GABRB1: variants seen among roughly 807,000 people sequenced by gnomAD.
GABRB1 encodes the protein gamma-aminobutyric acid receptor subunit beta-1.
A neutral mutation model predicts 51.6 loss-of-function variants in GABRB1; 17 were observed. The ratio of observed to expected loss-of-function variants is 0.33; its 90% CI spans 0.23 to 0.49. The LOEUF (loss-of-function observed/expected upper bound fraction) is 0.49, where lower values mean the gene tolerates loss of function less well. Among genes scored for constraint, GABRB1 ranks in the 20% least tolerant of loss-of-function variants. The probability of loss-of-function intolerance (pLI) is 0.99; values close to 1 mark genes in which losing one functional copy is unlikely to be tolerated. For missense variants in GABRB1, 410 were observed against 600.6 expected (o/e 0.68, Z 3.32); for synonymous variants, 247 against 218.9 (o/e 1.13, Z -1.14).
chr4:47,288,197 C>A (rs1165805914), intron 4 of GABRB1, among the ~76,000 whole-genome samples: 1 of 151,966 alleles, frequency 6.6e-6, no homozygotes, highest in Non-Finnish European at 1.5e-5. Context: ...GTCTGCACCA[C>A]CCACAAGATT....
intron 1 of GABRB1, among the ~76,000 whole-genome samples, chr4:46,995,952 T>C (rs974398676): frequency 5.3e-5 from 8 of 152,154 alleles, no homozygotes; most frequent in African/African-American, 1.9e-4. Context: ...GGCATTTATA[T>C]CTCTTCTCAT....
chr4:47,322,559 G>T (rs749604618), intron 5 of GABRB1, among the ~76,000 whole-genome samples: 3 of 152,150 alleles, frequency 2.0e-5, no homozygotes, highest in Non-Finnish European at 4.4e-5. Flanking sequence ...GAAGTAAAAT[G>T]ACTTACCCAG....
intron 5 of GABRB1, among the ~76,000 whole-genome samples, chr4:47,330,256 T>A (rs1725430865): frequency 6.6e-6 from 1 of 152,194 alleles, no homozygotes; most frequent in South Asian, 2.1e-4. Flanking sequence ...ATTTAAATGT[T>A]AATCTCCTCC....
chr4:47,151,481 A>G (rs1717452786), intron 3 of GABRB1, among the ~76,000 whole-genome samples: 1 of 151,976 alleles, frequency 6.6e-6, no homozygotes, highest in Non-Finnish European at 1.5e-5. Flanking sequence ...ATCCTTTCTC[A>G]ATTTAGCTTG....
chr4:47,399,405 G>A (rs1728303845), intron 5 of GABRB1, among the ~76,000 whole-genome samples: 2 of 152,150 alleles, frequency 1.3e-5, no homozygotes, highest in Admixed American at 6.5e-5. Context: ...AGAATTATCA[G>A]TTCTTAAATG....
chr4:47,254,796 G>T (rs1014456679), intron 4 of GABRB1, among the ~76,000 whole-genome samples: 4 of 152,198 alleles, frequency 2.6e-5, no homozygotes, highest in African/African-American at 9.6e-5. Flanking sequence ...TTATTATATA[G>T]TTAACCTTGA....
chr4:47,269,892 C>A (rs113066488), intron 4 of GABRB1, among the ~76,000 whole-genome samples: 159 of 149,246 alleles, frequency 1.1e-3, no homozygotes, highest in African/African-American at 3.6e-3. Flanking sequence ...TTATTCACTA[C>A]TTAACAAACC....
intron 4 of GABRB1, among the ~76,000 whole-genome samples, chr4:47,178,274 T>C (rs937831747): frequency 5.3e-5 from 8 of 152,098 alleles, no homozygotes; most frequent in Non-Finnish European, 1.2e-4. Flanking sequence ...AATTGCTCTC[T>C]GGGTTAAGAG....
intron 4 of GABRB1, among the ~76,000 whole-genome samples, chr4:47,175,838 G>C (rs946098804): frequency 2.0e-5 from 3 of 152,060 alleles, no homozygotes; most frequent in Non-Finnish European, 4.4e-5. Flanking sequence ...CTTAAAATAT[G>C]TTCACAACCC....
chr4:47,121,463 G>A (rs558753276), intron 3 of GABRB1, among the ~76,000 whole-genome samples: 3 of 152,102 alleles, frequency 2.0e-5, no homozygotes, highest in Non-Finnish European at 4.4e-5. Context: ...GTTTTTAGAA[G>A]GTGCTTTTTT....
At chr4:47,206,061 A>C (rs1434435294) in intron 4 of GABRB1, among the ~76,000 whole-genome samples, 1 of 152,036 alleles carries the variant, frequency 6.6e-6, no homozygotes, top group East Asian at 1.9e-4. Flanking sequence ...AGGATTAAAA[A>C]AAAAATAGCA....
intron 3 of GABRB1, among the ~76,000 whole-genome samples, chr4:47,064,939 G>T (rs1363657656): frequency 6.6e-6 from 1 of 152,136 alleles, no homozygotes; most frequent in Non-Finnish European, 1.5e-5. Context: ...GAACAGAGAG[G>T]TCTCATTGTT....
At chr4:47,017,536 T>C (rs1172251277) in intron 1 of GABRB1, among the ~76,000 whole-genome samples, 2 of 151,700 alleles carry the variant, frequency 1.3e-5, no homozygotes, top group Non-Finnish European at 2.9e-5. Flanking sequence ...AATAAAGAAA[T>C]AAGAAACACA....
chr4:47,052,849 G>T (rs535254750), intron 3 of GABRB1, among the ~76,000 whole-genome samples: 2 of 152,242 alleles, frequency 1.3e-5, no homozygotes, highest in South Asian at 4.1e-4. Context: ...GCAACAGAAA[G>T]AAAAAATAGA....
intron 3 of GABRB1, among the ~76,000 whole-genome samples, chr4:47,131,891 A>AT (rs573077644): frequency 1.3e-4 from 19 of 151,696 alleles, no homozygotes; most frequent in African/African-American, 3.1e-4. Context: ...GAGCAATATA[A>AT]TTTTTTTTTC....
intron 4 of GABRB1, among the ~76,000 whole-genome samples, chr4:47,318,220 T>G (rs1200959787): frequency 6.6e-6 from 1 of 151,972 alleles, no homozygotes; most frequent in Non-Finnish European, 1.5e-5. Context: ...AAAGAGATAA[T>G]GTATGCAAAG....
At chr4:47,032,601 C>A (rs534673302) in intron 3 of GABRB1, 117 bp downstream of exon 3, 9 of 961,408 alleles carry the variant, frequency 9.4e-6, no homozygotes, top group Non-Finnish European at 1.5e-5. Flanking sequence ...TGAGGTCCCA[C>A]TCCGCACCCG....
intron 3 of GABRB1, among the ~76,000 whole-genome samples, chr4:47,127,900 T>C (rs1716231423): frequency 6.6e-6 from 1 of 151,492 alleles, no homozygotes; most frequent in South Asian, 2.1e-4. Flanking sequence ...GGACATAAAA[T>C]ATAACGCTAA....
intron 3 of GABRB1, among the ~76,000 whole-genome samples, chr4:47,053,726 C>T (rs1057177866): frequency 3.9e-5 from 6 of 152,040 alleles, no homozygotes; most frequent in African/African-American, 7.3e-5. Flanking sequence ...AGAGAGTGAC[C>T]GAGCTGAGAG....
Sources: gnomAD v4.1 joint callset for allele counts (sites outside exome capture counted in the v4.1 genomes callset) on GRCh38, gnomAD v4.1.1 for gene constraint, MANE v1.5 for transcripts, NCBI Gene and HGNC (gene_info 2026-07-23, HGNC 2026-07-21) for gene names.